The following PAIP1 variants were observed in gnomAD, a reference collection of about 807,000 sequenced individuals.
PAIP1 encodes the protein poly(A) binding protein interacting protein 1, also known as polyadenylate-binding protein-interacting protein 1.
Under a neutral mutation model 61.3 loss-of-function variants are expected in PAIP1, and 16 were observed. That is an observed-to-expected ratio of 0.26 (90% CI 0.18 to 0.40). The LOEUF (loss-of-function observed/expected upper bound fraction) is 0.40, where lower values mean the gene tolerates loss of function less well. Ranked by LOEUF, PAIP1 falls within the 10% of genes least tolerant of loss-of-function variation. The probability of loss-of-function intolerance (pLI) is 1.00; values close to 1 mark genes in which losing one functional copy is unlikely to be tolerated. For synonymous variants in PAIP1, 187 were observed against 226.2 expected (o/e 0.83, Z 1.56); for missense variants, 416 against 600.9 (o/e 0.69, Z 3.22).
chr5:43,535,087 G>T, intron 7 of PAIP1, 117 bp from the exon 8 acceptor site: 1 of 656,570 alleles, frequency 1.5e-6, no homozygotes, highest in South Asian at 1.8e-5. Flanking sequence ...CTGATGCCTT[G>T]ACTTTCTAGA....
At chr5:43,547,960 A>G (rs938616956) in intron 2 of PAIP1, 47 bp from the exon 3 acceptor site, 2 of 1,241,606 alleles carry the variant, frequency 1.6e-6, no homozygotes, top group South Asian at 1.3e-5. Context: ...GCAACTGGCT[A>G]AAACACACAA....
chr5:43,541,139 A>T (rs142463290), intron 4 of PAIP1, among the ~76,000 whole-genome samples: 1 of 141,248 alleles, frequency 7.1e-6, no homozygotes, highest in Non-Finnish European at 1.5e-5. Flanking sequence ...TATTATTATT[A>T]TTTTTGATAC....
intron 3 of PAIP1, among the ~76,000 whole-genome samples, chr5:43,543,797 A>C (rs1747518999): frequency 1.3e-5 from 2 of 152,234 alleles, no homozygotes. Context: ...TTTCTAAAGA[A>C]TAGTAGAGAA....
At chr5:43,530,391 C>T (rs1257614156) in intron 9 of PAIP1, among the ~76,000 whole-genome samples, 1 of 152,212 alleles carries the variant, frequency 6.6e-6, no homozygotes, top group East Asian at 1.9e-4. Context: ...CAAGGTAATA[C>T]AGGTGATATT....
At chr5:43,529,315 A>G (rs1008306838) in intron 10 of PAIP1, among the ~76,000 whole-genome samples, 6 of 152,184 alleles carry the variant, frequency 3.9e-5, no homozygotes, top group Non-Finnish European at 5.9e-5. Flanking sequence ...TTCCTCAACT[A>G]TACATTTTTC....
intron 9 of PAIP1, among the ~76,000 whole-genome samples, chr5:43,531,919 G>C (rs952155305): frequency 6.6e-6 from 1 of 152,030 alleles, no homozygotes; most frequent in South Asian, 2.1e-4. Flanking sequence ...ACAGAAGTAA[G>C]CATGTTTAGA....
chr5:43,548,309 G>A (rs1747727226), intron 2 of PAIP1, among the ~76,000 whole-genome samples: 1 of 151,954 alleles, frequency 6.6e-6, no homozygotes, highest in African/African-American at 2.4e-5. Context: ...AACAAGAACG[G>A]CCACATGTAG....
intron 3 of PAIP1, among the ~76,000 whole-genome samples, chr5:43,544,454 G>T (rs546939348): frequency 2.6e-4 from 39 of 152,086 alleles, no homozygotes; most frequent in Non-Finnish European, 5.1e-4. Flanking sequence ...GTTATAACAC[G>T]ATTTAAAGAC....
At chr5:43,532,053 T>C (rs774638299) in intron 9 of PAIP1, among the ~76,000 whole-genome samples, 2 of 152,194 alleles carry the variant, frequency 1.3e-5, no homozygotes, top group South Asian at 2.1e-4. Context: ...TCATGAAGTA[T>C]AGCAGATTAA....
chr5:43,556,007 AG>A lies in PAIP1; in HGVS notation c.266-9del. 1.2e-6 allele frequency: 2 copies of A among 1,605,670 alleles called. No individual in the cohort carries two copies. The highest frequency in any genetic ancestry group is 8.5e-7 in the Non-Finnish European group (1 of 1,177,682). ...TCAGGGGCCTCGTTTGCTCTGCAAA[AG>A]AAAAAAAAACGGGGCGTCAGATGCA... On this transcript the variant is annotated splice_polypyrimidine_tract_variant and intron_variant, in intron 1 of 10. Transcript: ENST00000306846.
At chr5:43,543,310 CAAAAAAAAAA>C (rs11427976) in intron 3 of PAIP1, among the ~76,000 whole-genome samples, 194 bp from the exon 4 acceptor site, 1 of 96,044 alleles carries the variant, frequency 1.0e-5, no homozygotes, top group Non-Finnish European at 2.0e-5. Flanking sequence ...ACAATAAGTA[CAAAAAAAAAA>C]AAAAAAAGAA....
upstream of PAIP1, chr5:43,557,127 G>C: frequency 2.4e-6 from 1 of 412,282 alleles, no homozygotes; most frequent in East Asian, 4.7e-5. Flanking sequence ...CAGGGGCGCA[G>C]GCGGGTCACA....
At chr5:43,534,154 T>C (rs1406760102) in intron 8 of PAIP1, among the ~76,000 whole-genome samples, 1 of 152,154 alleles carries the variant, frequency 6.6e-6, no homozygotes, top group Non-Finnish European at 1.5e-5. Flanking sequence ...AGCTGCTTTA[T>C]GTTTGTTCAT....
At position 43,555,885 on chromosome 5, in the gene PAIP1, T is replaced by A. The variant is rs374480379; in HGVS notation, c.380A>T (p.Lys127Met). 1 of 1,613,864 alleles carries A rather than the reference T, an allele frequency of 6.2e-7. No homozygotes were observed. The highest frequency in any genetic ancestry group is 8.5e-7 in the Non-Finnish European group (1 of 1,179,928). The change falls in exon 2 of 11, where the codon AAG (lysine) becomes ATG (methionine). Residue 127 changes from lysine to methionine, a missense_variant. Transcript: ENST00000306846. Reference protein sequence around the residue: ...QVVVAPVLMSKLSVNAPEFYP... With the variant: ...QVVVAPVLMSMLSVNAPEFYP... ...AAATTCAGGGGCATTCACAGACAGC[T>A]TAGACATTAATACAGGAGCTACAAC...
chr5:43,533,845 G>A lies in PAIP1; in HGVS notation c.1198-53C>T, dbSNP rs1010100977. ...TGTAATCATTTCAGAATTGATTTTT[G>A]TAAGTACAATAATGAAGCATGGCTG... On this transcript the variant is annotated intron_variant, in intron 8 of 10. Coordinates refer to ENST00000306846, the MANE Select transcript of PAIP1 (RefSeq NM_006451.5). 2.8e-6 allele frequency: 3 copies of A among 1,076,028 alleles called. No homozygotes were observed. The African/African-American group carries it at 4.7e-5, about 17-fold the overall frequency. 66.7% of individuals were successfully genotyped at this position (1,076,028 alleles called of 1,614,324 possible).
chr5:43,546,233 A>G (rs1424595342), intron 3 of PAIP1, among the ~76,000 whole-genome samples: 1 of 152,262 alleles, frequency 6.6e-6, no homozygotes, highest in Non-Finnish European at 1.5e-5. Context: ...TGACAATCAG[A>G]GAAATAGTTG....
At chr5:43,551,762 T>A (rs960823523) in intron 2 of PAIP1, among the ~76,000 whole-genome samples, 93 of 146,834 alleles carry the variant, frequency 6.3e-4, no homozygotes, top group Admixed American at 1.6e-3. Flanking sequence ...TTTTTTTTTT[T>A]AAAGTCAACA....
At chr5:43,547,690 G>A (rs768441355) in intron 3 of PAIP1, 38 bp downstream of exon 3, 2 of 1,376,398 alleles carry the variant, frequency 1.5e-6, no homozygotes, top group Non-Finnish European at 2.0e-6. Context: ...CTTCAAGGAA[G>A]CTATCTGAAG....
At chr5:43,543,351 G>A (rs926458651) in intron 3 of PAIP1, among the ~76,000 whole-genome samples, 1 of 150,090 alleles carries the variant, frequency 6.7e-6, no homozygotes, top group Non-Finnish European at 1.5e-5. Flanking sequence ...AGTTACCTGA[G>A]GCTACCAGAA....
Sources: allele counts gnomAD v4.1 joint callset (sites outside exome capture counted in the v4.1 genomes callset), GRCh38; gene constraint gnomAD v4.1.1; transcripts MANE v1.5; gene names NCBI Gene and HGNC (gene_info 2026-07-23, HGNC 2026-07-21).